The following TBC1D12 variants were observed in gnomAD, a reference collection of about 807,000 sequenced individuals.
The protein encoded by TBC1D12 is TBC1 domain family member 12.
A neutral mutation model predicts 86.7 loss-of-function variants in TBC1D12; 56 were observed. The observed-to-expected ratio is 0.65, with a 90% confidence interval of 0.52 to 0.81. The LOEUF is 0.81. Ranked by LOEUF, TBC1D12 falls within the 30% of genes least tolerant of loss-of-function variation. The probability of loss-of-function intolerance (pLI) is 0.00; values close to 1 mark genes in which losing one functional copy is unlikely to be tolerated. For synonymous variants in TBC1D12, 421 were observed against 411.7 expected, an observed-to-expected ratio of 1.02 and a Z score of -0.27; for missense variants, 1,023 against 1,038.8, an observed-to-expected ratio of 0.98 and a Z score of 0.21.
At chr10:94,430,906 T>C (rs2055207039) in intron 1 of TBC1D12, among the ~76,000 whole-genome samples, 1 of 152,244 alleles carries the variant, frequency 6.6e-6, no homozygotes, top group Admixed American at 6.5e-5. Context: ...AACTTATTGC[T>C]CAACTCCTTT....
rs760078319 is a variant in TBC1D12, at chr10:94,533,417, C to A, written c.*321C>A. 11 of 212,124 alleles carry A rather than the reference C, an allele frequency of 5.2e-5. No individual in the cohort carries two copies. The highest frequency in any genetic ancestry group is 9.3e-5 in the Non-Finnish European group (10 of 107,654). 13.1% of individuals were successfully genotyped at this position (212,124 alleles called of 1,614,324 possible). A position where few individuals can be genotyped will look rare whatever the true frequency, so the allele number is the denominator to read the frequency against. On this transcript the variant is annotated 3_prime_UTR_variant, in exon 13 of 13. Transcript: ENST00000225235. ...TTGAAGATACTTCAAATTTTTACAT[C>A]TTTTCTTTTGTAACAGTTACCACAA...
In TBC1D12 at chr10:94,536,167, TTTG is replaced by T. The variant is rs1396858519; in HGVS notation, c.*3083_*3085del. On this transcript the variant is annotated 3_prime_UTR_variant, in exon 13 of 13. Coordinates refer to ENST00000225235, the MANE Select transcript of TBC1D12 (RefSeq NM_015188.2). ...TTCACATGGTCAGTATATGGCAGTTTTTGTTGTTGTTGTTACAGTATATTTTCA... is the reference window on the plus strand; with the variant it reads ...TTCACATGGTCAGTATATGGCAGTTTTTGTTGTTGTTACAGTATATTTTCA... Among the ~76,000 whole-genome samples the T allele has an allele frequency of 2.0e-5, 3 of 152,080 alleles. No individual in the cohort carries two copies. Among genetic ancestry groups the T allele is most frequent in the African/African-American group, 2.4e-5 (1 of 41,432 alleles).
chr10:94,481,469 T>G (rs1211237899), intron 3 of TBC1D12, among the ~76,000 whole-genome samples: 1 of 152,254 alleles, frequency 6.6e-6, no homozygotes, highest in Admixed American at 6.5e-5. Context: ...TCTATGTGTA[T>G]AAACAGCTTT....
At chr10:94,524,789 A>C (rs1308243490) in intron 11 of TBC1D12, among the ~76,000 whole-genome samples, 3 of 151,174 alleles carry the variant, frequency 2.0e-5, no homozygotes, top group Non-Finnish European at 4.4e-5. Flanking sequence ...GGGAACCTGA[A>C]ATTTTGTTTT....
At chr10:94,515,329 G>T (rs577041598) in intron 9 of TBC1D12, among the ~76,000 whole-genome samples, 1 of 151,564 alleles carries the variant, frequency 6.6e-6, no homozygotes, top group Non-Finnish European at 1.5e-5. Flanking sequence ...GGAATATATA[G>T]GTTTGGTTTT....
intron 4 of TBC1D12, among the ~76,000 whole-genome samples, chr10:94,494,349 T>C (rs11187980): frequency 0.45 from 68,340 of 151,952 alleles, 15,602 homozygotes; most frequent in East Asian, 0.73. Context: ...GTTAATGGAC[T>C]GTTATAATAG....
At position 94,474,679 on chromosome 10, in the gene TBC1D12, A is replaced by C; in HGVS notation, c.1107A>C (p.Ala369=). Residue 369 remains alanine, a synonymous_variant, in exon 3 of 13, where the codon GCA becomes GCC. Coordinates refer to ENST00000225235, the MANE Select transcript of TBC1D12 (RefSeq NM_015188.2). ...TSKIIQQEYE[A]RTGRTCKPPP... ...TTAATTTACTCTAGGAATATGAAGC[A>C]CGAACGGGGAGGACCTGTAAACCAC... 4 of 1,614,062 alleles carry C rather than the reference A, an allele frequency of 2.5e-6. No individual in the cohort carries two copies. Among genetic ancestry groups the C allele is most frequent in the Non-Finnish European group, 3.4e-6 (4 of 1,179,938 alleles).
chr10:94,507,823 T>G (rs2056479911), intron 7 of TBC1D12, among the ~76,000 whole-genome samples: 1 of 151,842 alleles, frequency 6.6e-6, no homozygotes, highest in East Asian at 1.9e-4. Flanking sequence ...CCATCTCTAC[T>G]AAAAAAACAA....
chr10:94,470,055 C>A (rs1029938270), intron 2 of TBC1D12, among the ~76,000 whole-genome samples: 1 of 152,082 alleles, frequency 6.6e-6, no homozygotes, highest in Non-Finnish European at 1.5e-5. Flanking sequence ...TTGTATATAC[C>A]TAACTTTTAG....
intron 1 of TBC1D12, among the ~76,000 whole-genome samples, chr10:94,418,368 A>T (rs1178184369): frequency 6.6e-6 from 1 of 152,174 alleles, no homozygotes; most frequent in Non-Finnish European, 1.5e-5. Flanking sequence ...AGATTACAGC[A>T]TCTGTAACTG....
intron 11 of TBC1D12, among the ~76,000 whole-genome samples, chr10:94,527,186 C>T (rs534478859): frequency 3.3e-5 from 5 of 151,806 alleles, no homozygotes; most frequent in South Asian, 2.1e-4. Flanking sequence ...TCCACCTTCA[C>T]GGTTCAAGTG....
At chr10:94,485,161 CTTGTT>C (rs1192245730) in intron 3 of TBC1D12, among the ~76,000 whole-genome samples, 4 of 152,120 alleles carry the variant, frequency 2.6e-5, no homozygotes, top group African/African-American at 7.2e-5. Flanking sequence ...AATCTGCAGC[CTTGTT>C]TTGTTCAGAT....
At chr10:94,419,040 A>G (rs1436003237) in intron 1 of TBC1D12, among the ~76,000 whole-genome samples, 2 of 151,594 alleles carry the variant, frequency 1.3e-5, no homozygotes, top group Admixed American at 6.6e-5. Flanking sequence ...ACGCCCAGCT[A>G]TTTTTTGTAT....
chr10:94,407,825 G>A (rs899912847), intron 1 of TBC1D12, among the ~76,000 whole-genome samples: 10 of 152,070 alleles, frequency 6.6e-5, no homozygotes, highest in African/African-American at 2.4e-4. Flanking sequence ...TCTAAGCTGG[G>A]CATGGTAGCG....
chr10:94,507,240 C>A, intron 6 of TBC1D12, 27 bp from the exon 7 acceptor site: 2 of 1,591,376 alleles, frequency 1.3e-6, no homozygotes. Flanking sequence ...ATTATTCATA[C>A]ATTTTTGTTC....
chr10:94,431,360 A>G (rs1218056371), intron 1 of TBC1D12, among the ~76,000 whole-genome samples: 5 of 151,778 alleles, frequency 3.3e-5, no homozygotes, highest in South Asian at 2.1e-4. Context: ...GTTTGCAGTG[A>G]GCCAAGATTG....
chr10:94,522,200 A>G, intron 10 of TBC1D12, 117 bp downstream of exon 10: 2 of 1,311,882 alleles, frequency 1.5e-6, no homozygotes, highest in South Asian at 1.7e-5. Context: ...ATTATATTAT[A>G]GTTTATTAAT....
At chr10:94,491,052 T>C (rs576457807) in intron 3 of TBC1D12, among the ~76,000 whole-genome samples, 2 of 152,308 alleles carry the variant, frequency 1.3e-5, no homozygotes, top group South Asian at 2.1e-4. Context: ...GATGGACCAC[T>C]GAGACCTGGA....
intron 9 of TBC1D12, among the ~76,000 whole-genome samples, chr10:94,521,603 G>A (rs1304899017): frequency 3.3e-5 from 5 of 152,110 alleles, no homozygotes; most frequent in Non-Finnish European, 2.9e-5. Flanking sequence ...ATAATCACCT[G>A]ATTTTTATTA....
Sources: gnomAD v4.1 joint callset for allele counts (sites outside exome capture counted in the v4.1 genomes callset) on GRCh38, gnomAD v4.1.1 for gene constraint, MANE v1.5 for transcripts, NCBI Gene and HGNC (gene_info 2026-07-23, HGNC 2026-07-21) for gene names.